WWOX: variants seen among roughly 807,000 people sequenced by gnomAD.
The protein encoded by WWOX is WW domain containing oxidoreductase.
A neutral mutation model predicts 46.2 loss-of-function variants in WWOX; 69 were observed. That is an observed-to-expected ratio of 1.49 (90% CI 1.23 to 1.82). The LOEUF (loss-of-function observed/expected upper bound fraction) is 1.82, where lower values mean the gene tolerates loss of function less well. Ranked by LOEUF, WWOX falls within the 40% of genes most tolerant of loss-of-function variation. The pLI is 0.00. For missense variants in WWOX, 919 were observed against 542.6 expected (o/e 1.69, Z -6.89); for synonymous variants, 359 against 202.6 (o/e 1.77, Z -6.56).
At chr16:78,399,685 G>GT (rs1274856905) in intron 6 of WWOX, among the ~76,000 whole-genome samples, 2 of 152,178 alleles carry the variant, frequency 1.3e-5, no homozygotes, top group Non-Finnish European at 2.9e-5. Context: ...AAGGGTTTGA[G>GT]TTTCTGTGGT....
chr16:78,616,511 CA>C (rs2046028705), intron 8 of WWOX, among the ~76,000 whole-genome samples: 1 of 149,408 alleles, frequency 6.7e-6, no homozygotes, highest in African/African-American at 2.5e-5. Flanking sequence ...CCTGTAATCC[CA>C]GCACTTTGGG....
At chr16:79,022,026 GAC>G (rs1406050326) in intron 8 of WWOX, among the ~76,000 whole-genome samples, 1 of 152,220 alleles carries the variant, frequency 6.6e-6, no homozygotes, top group African/African-American at 2.4e-5. Flanking sequence ...GACCAGCTTT[GAC>G]ACATGAATAG....
intron 6 of WWOX, among the ~76,000 whole-genome samples, chr16:78,400,174 T>C (rs989574768): frequency 6.6e-6 from 1 of 152,204 alleles, no homozygotes; most frequent in Non-Finnish European, 1.5e-5. Context: ...CACTTACTCG[T>C]CATCAAAAAG....
chr16:78,945,039 G>T (rs1162694619), intron 8 of WWOX, among the ~76,000 whole-genome samples: 1 of 152,130 alleles, frequency 6.6e-6, no homozygotes. Flanking sequence ...CATTAGCTGG[G>T]CATGGTGGCG....
intron 5 of WWOX, among the ~76,000 whole-genome samples, chr16:78,371,323 C>G (rs1248433943): frequency 6.6e-6 from 1 of 152,128 alleles, no homozygotes; most frequent in East Asian, 1.9e-4. Flanking sequence ...TCTAGTTTAA[C>G]TGCCTCACAG....
intron 8 of WWOX, among the ~76,000 whole-genome samples, chr16:78,772,805 G>A (rs377467291): frequency 5.5e-4 from 83 of 152,124 alleles, no homozygotes; most frequent in African/African-American, 2.0e-3. Context: ...GATTGCTTGA[G>A]CTCAGAAGTT....
intron 8 of WWOX, among the ~76,000 whole-genome samples, chr16:78,940,676 T>A (rs1423117467): frequency 2.0e-5 from 3 of 147,688 alleles, no homozygotes; most frequent in Non-Finnish European, 3.0e-5. Flanking sequence ...TAGGTTAACT[T>A]TTTTTTTTTT....
chr16:79,030,719 C>T (rs772979738), intron 8 of WWOX, among the ~76,000 whole-genome samples: 2 of 152,152 alleles, frequency 1.3e-5, no homozygotes, highest in Non-Finnish European at 2.9e-5. Context: ...CTTCTACCCT[C>T]CGGTTGTTTG....
At chr16:78,974,373 G>A (rs529991470) in intron 8 of WWOX, among the ~76,000 whole-genome samples, 3 of 152,180 alleles carry the variant, frequency 2.0e-5, no homozygotes, top group Non-Finnish European at 2.9e-5. Context: ...TGAACAGTAC[G>A]TGGGTTCTTC....
chr16:78,808,649 T>A (rs2051105195), intron 8 of WWOX, among the ~76,000 whole-genome samples: 1 of 152,202 alleles, frequency 6.6e-6, no homozygotes, highest in African/African-American at 2.4e-5. Flanking sequence ...AAACATGCCA[T>A]CATCTTTAAT....
chr16:79,127,890 A>G (rs2049792478), intron 8 of WWOX, among the ~76,000 whole-genome samples: 2 of 152,334 alleles, frequency 1.3e-5, no homozygotes, highest in South Asian at 4.1e-4. Flanking sequence ...TTAGACTGCA[A>G]GAAGGAGAAG....
intron 5 of WWOX, among the ~76,000 whole-genome samples, chr16:78,321,928 G>T (rs549511633): frequency 1.3e-5 from 2 of 152,328 alleles, no homozygotes; most frequent in South Asian, 4.1e-4. Context: ...GATTTTAGTT[G>T]TGAGTGGTTG....
intron 5 of WWOX, among the ~76,000 whole-genome samples, chr16:78,304,235 C>T (rs906044387): frequency 6.6e-6 from 1 of 152,354 alleles, no homozygotes; most frequent in Non-Finnish European, 1.5e-5. Flanking sequence ...ATCCTCTGCT[C>T]ACTCTCCTTT....
intron 5 of WWOX, among the ~76,000 whole-genome samples, chr16:78,351,698 C>A (rs1046886872): frequency 6.6e-6 from 1 of 152,156 alleles, no homozygotes; most frequent in Non-Finnish European, 1.5e-5. Context: ...GGTCTCTTGC[C>A]CAGGCTGGAA....
intron 4 of WWOX, among the ~76,000 whole-genome samples, chr16:78,128,210 G>T (rs1287071517): frequency 6.6e-6 from 1 of 152,098 alleles, no homozygotes; most frequent in Non-Finnish European, 1.5e-5. Context: ...TTGTTGTTAG[G>T]ATATGGGGAG....
intron 1 of WWOX, among the ~76,000 whole-genome samples, chr16:78,100,621 C>T (rs2031711666): frequency 6.6e-6 from 1 of 152,226 alleles, no homozygotes; most frequent in Non-Finnish European, 1.5e-5. Context: ...GAAACCCCAG[C>T]AGAGCCTTCA....
chr16:78,099,713 G>C lies in WWOX; in HGVS notation c.-66G>C, dbSNP rs2031614998. ...CGCGCGGGTCTCGTTTGGAGCGGGA[G>C]TGAGTTCCTGAGCGAGTGGACCCGG... is the stretch of plus-strand genomic sequence containing the variant. On this transcript the variant is annotated 5_prime_UTR_variant, in exon 1 of 9. Coordinates refer to ENST00000566780, the MANE Select transcript of WWOX (RefSeq NM_016373.4). 2.0e-6 allele frequency: 3 copies of C among 1,489,494 alleles called. No homozygotes were observed. The South Asian group carries it at 4.0e-5, about 20-fold the overall frequency. The allele number at this position is 1,489,494 out of a possible 1,614,324, so 92.3% of individuals were successfully genotyped here.
intron 5 of WWOX, among the ~76,000 whole-genome samples, chr16:78,317,256 T>C (rs908174081): frequency 6.6e-6 from 1 of 152,180 alleles, no homozygotes. Context: ...AGTGATACTT[T>C]GGGGTGAATT....
chr16:78,387,038 G>A (rs1567542122), intron 6 of WWOX, 90 bp downstream of exon 6: 2 of 1,356,078 alleles, frequency 1.5e-6, no homozygotes, highest in Admixed American at 1.7e-5. Context: ...ATGCAAGGCT[G>A]TTGTGTTGTC....
Sources: gnomAD v4.1 joint callset for allele counts (sites outside exome capture counted in the v4.1 genomes callset) on GRCh38, gnomAD v4.1.1 for gene constraint, MANE v1.5 for transcripts, NCBI Gene and HGNC (gene_info 2026-07-23, HGNC 2026-07-21) for gene names.